Variants in CDH23 observed in about 807,000 individuals in gnomAD.
CDH23 encodes cadherin-23.
In CDH23, 189 loss-of-function variants were observed where a neutral mutation model predicts 317.1. The ratio of observed to expected loss-of-function variants is 0.60; its 90% CI spans 0.53 to 0.67. CDH23 has a LOEUF of 0.67. CDH23 is among the 30% of genes least tolerant of loss of function. CDH23 has a pLI of 0.00. For synonymous variants in CDH23, 1,839 were observed against 1,876.8 expected (o/e 0.98, Z 0.52); for missense variants, 4,401 against 4,592.4 (o/e 0.96, Z 1.20).
rs1589435300 is a variant in CDH23, at chr10:71,807,677, G to T, written c.8470G>T (p.Val2824Phe). 6.2e-7 allele frequency: 1 copy of T among 1,613,844 alleles called. No individual in the cohort carries two copies. The highest frequency in any genetic ancestry group is 2.2e-5 in the East Asian group (1 of 44,882). ...PRGPSPTLDL[V>F]ADLTLQEVRV... ...TGGACCCTCCCCAACCCTCGACCTG[G>T]TTGCTGACCTCACACTGCAGGAGGT... Residue 2824 changes from valine to phenylalanine, a missense_variant, in exon 59 of 70, where the codon GTT becomes TTT. Physicochemically the swap from Val to Phe is conservative, Grantham distance 50. This residue lies in a region of CDH23 where 1,144 missense variants were observed against 1,138.2 expected (regional missense o/e 1.01). Transcript: ENST00000224721.
intron 9 of CDH23, among the ~76,000 whole-genome samples, chr10:71,609,164 G>A (rs1860707584): frequency 6.6e-6 from 1 of 151,910 alleles, no homozygotes; most frequent in Admixed American, 6.6e-5. Flanking sequence ...TTCCAGCCTG[G>A]AGGAAGAAAG....
rs556205551 is a variant in CDH23 at position 71,815,161 on chromosome 10, C to T, written c.9948C>T (p.Thr3316=). Residue 3316 remains threonine (T), a synonymous_variant, in exon 70 of 70, where the codon ACC becomes ACT. Transcript: ENST00000224721. The part of the protein sequence containing the change: ...KGLGRSLETL[T]AAEATAFERN... The stretch of plus-strand genomic sequence containing the variant: ...TGGGCCGCTCGCTGGAGACGCTGAC[C>T]GCTGCCGAGGCCACTGCCTTCGAGC... The T allele has an allele frequency of 3.1e-6, 5 of 1,611,410 alleles. No homozygotes were observed. In the African/African-American group the frequency reaches 4.0e-5, roughly 13 times the overall value.
chr10:71,782,925 G>A (rs1399434923), intron 41 of CDH23, among the ~76,000 whole-genome samples: 2 of 152,214 alleles, frequency 1.3e-5, no homozygotes, highest in Non-Finnish European at 2.9e-5. Context: ...GGCTGTTTTT[G>A]TACATCAGAG....
At chr10:71,788,612 C>T (rs569730790) in intron 44 of CDH23, among the ~76,000 whole-genome samples, 4 of 152,122 alleles carry the variant, frequency 2.6e-5, no homozygotes, top group South Asian at 4.2e-4. Flanking sequence ...CGTGCCACCA[C>T]GCCCAGCTAA....
intron 8 of CDH23, among the ~76,000 whole-genome samples, chr10:71,572,715 A>G (rs1204434728): frequency 6.6e-6 from 1 of 152,214 alleles, no homozygotes; most frequent in Non-Finnish European, 1.5e-5. Context: ...TCCCAGAGAT[A>G]GCAACTCCTC....
At chr10:71,619,677 G>A (rs543001512) in intron 11 of CDH23, among the ~76,000 whole-genome samples, 10 of 152,336 alleles carry the variant, frequency 6.6e-5, no homozygotes, top group African/African-American at 1.4e-4. Context: ...AGGCACACAG[G>A]AAGATTGGCT....
intron 20 of CDH23, 31 bp from the exon 21 acceptor site, chr10:71,694,116 C>T: frequency 1.9e-6 from 3 of 1,578,766 alleles, no homozygotes; most frequent in Non-Finnish European, 2.6e-6. Context: ...CCACCCAAAC[C>T]CTCTCACGCA....
At chr10:71,466,053 A>G (rs767594574) in intron 3 of CDH23, among the ~76,000 whole-genome samples, 3 of 152,060 alleles carry the variant, frequency 2.0e-5, no homozygotes, top group South Asian at 2.1e-4. Flanking sequence ...CAGGCAGGAC[A>G]TTCCGGAAAA....
At chr10:71,513,675 G>A (rs1297628488) in intron 6 of CDH23, among the ~76,000 whole-genome samples, 1 of 152,142 alleles carries the variant, frequency 6.6e-6, no homozygotes, top group Admixed American at 6.5e-5. Context: ...GTGCTGTTTC[G>A]TGGGAAGAGA....
intron 6 of CDH23, among the ~76,000 whole-genome samples, chr10:71,523,683 G>A (rs1854839757): frequency 6.6e-6 from 1 of 152,206 alleles, no homozygotes; most frequent in Non-Finnish European, 1.5e-5. Context: ...GGTCACTGGT[G>A]AGGGGCAGGA....
intron 1 of CDH23, among the ~76,000 whole-genome samples, chr10:71,413,706 TG>T (rs1042195996): frequency 3.3e-5 from 5 of 152,280 alleles, no homozygotes; most frequent in East Asian, 3.9e-4. Context: ...TCCTTAAAAT[TG>T]TTTTTTTTAG....
At chr10:71,701,531 AGACCCTGCC>A (rs1865584083) in intron 22 of CDH23, among the ~76,000 whole-genome samples, 1 of 152,000 alleles carries the variant, frequency 6.6e-6, no homozygotes, top group Non-Finnish European at 1.5e-5. Context: ...TCCAGTCCTG[AGACCCTGCC>A]CCTTATCAGG....
intron 1 of CDH23, among the ~76,000 whole-genome samples, chr10:71,433,867 G>A (rs1849504208): frequency 6.7e-6 from 1 of 150,152 alleles, no homozygotes; most frequent in Admixed American, 6.7e-5. Context: ...ATCCCTGCAG[G>A]AGCCTGGACA....
chr10:71,735,823 G>C (rs1839547999), intron 34 of CDH23, among the ~76,000 whole-genome samples: 1 of 152,192 alleles, frequency 6.6e-6, no homozygotes, highest in Non-Finnish European at 1.5e-5. Context: ...GGCTGTGATG[G>C]GCAAGAAGTC....
intron 60 of CDH23, among the ~76,000 whole-genome samples, chr10:71,808,468 CA>C (rs1348817870): frequency 6.6e-6 from 1 of 152,210 alleles, no homozygotes; most frequent in Admixed American, 6.5e-5. Flanking sequence ...TTCAGTTGCG[CA>C]CATCGCCTTC....
In CDH23 at chr10:71,760,251, GTA is replaced by G. The variant is rs1412423013; in HGVS notation, c.4846-17421_4846-17420del. On this transcript the variant is annotated intron_variant, in intron 38 of 69. Coordinates refer to ENST00000224721, the MANE Select transcript of CDH23 (RefSeq NM_022124.6). ...TATATGTATATACATATATATGTAT[GTA>G]TATATATGTATATACATATATATGT... 3.5e-5 allele frequency among the ~76,000 whole-genome samples: 3 copies of G among 85,424 alleles called. 1 individual carries two copies. The highest frequency in any genetic ancestry group is 1.3e-4 in the African/African-American group (3 of 23,698). 56.0% of individuals were successfully genotyped at this position (85,424 alleles called of 152,430 possible).
intron 53 of CDH23, among the ~76,000 whole-genome samples, chr10:71,801,335 G>A (rs1008282984): frequency 2.6e-5 from 4 of 151,864 alleles, no homozygotes; most frequent in Non-Finnish European, 5.9e-5. Context: ...TGTATTTTCA[G>A]TAGAGACGGG....
intron 11 of CDH23, among the ~76,000 whole-genome samples, chr10:71,618,842 C>T (rs1052968056): frequency 6.6e-6 from 1 of 151,520 alleles, no homozygotes; most frequent in Non-Finnish European, 1.5e-5. Context: ...TGTGTGCACA[C>T]GTGTGTGTGT....
intron 3 of CDH23, among the ~76,000 whole-genome samples, chr10:71,498,973 C>G (rs1340794127): frequency 2.0e-5 from 3 of 152,108 alleles, no homozygotes; most frequent in African/African-American, 4.8e-5. Context: ...TATTGCGGCA[C>G]TATTTGCAAT....
Sources: gnomAD v4.1 joint callset for allele counts (sites outside exome capture counted in the v4.1 genomes callset) on GRCh38, gnomAD v4.1.1 for gene constraint, gnomAD v4.1.1 regional missense constraint, MANE v1.5 for transcripts, NCBI Gene and HGNC (gene_info 2026-07-23, HGNC 2026-07-21) for gene names.